ATP9B: variants seen among roughly 807,000 people sequenced by gnomAD.
ATP9B encodes the protein ATPase phospholipid transporting 9B, also known as probable phospholipid-transporting ATPase IIB.
ATP9B carries 110 observed loss-of-function variants against 146.1 expected under a neutral mutation model. That is an observed-to-expected ratio of 0.75 (90% CI 0.65 to 0.88). The LOEUF (loss-of-function observed/expected upper bound fraction) is 0.88, where lower values mean the gene tolerates loss of function less well. ATP9B is among the 40% of genes least tolerant of loss of function. The probability of loss-of-function intolerance (pLI) is 0.00; values close to 1 mark genes in which losing one functional copy is unlikely to be tolerated. For missense variants in ATP9B, 1,499 were observed against 1,496.4 expected (o/e 1.00, Z -0.03); for synonymous variants, 604 against 569.7 (o/e 1.06, Z -0.86).
rs370138340 is a variant in ATP9B at position 79,342,285 on chromosome 18, C to T, written c.2301C>T (p.Gly767=). 57 of 1,612,592 alleles carry T rather than the reference C, an allele frequency of 3.5e-5. 1 individual carries two copies. The Middle Eastern group carries it at 5.0e-4, about 14-fold the overall frequency. Residue 767 remains glycine, a synonymous_variant, in exon 20 of 30, where the codon GGC becomes GGT. Coordinates refer to ENST00000426216, the MANE Select transcript of ATP9B (RefSeq NM_198531.5). ...TTCCCTAGATATGGATGCTAACAGGCGATAAACTCGAGACAGCTACCTGCA... is the reference window on the plus strand; with the variant it reads ...TTCCCTAGATATGGATGCTAACAGGTGATAAACTCGAGACAGCTACCTGCA... ...NAGIKIWMLT[G]DKLETATCIA...
intron 6 of ATP9B, chr18:79,145,364 G>C (rs2094570588): frequency 3.3e-5 from 4 of 120,470 alleles, no homozygotes; most frequent in Admixed American, 9.6e-5. Context: ...CATGTCGGGG[G>C]AGCTGGCGGT....
intron 15 of ATP9B, among the ~76,000 whole-genome samples, chr18:79,324,987 G>A (rs941718926): frequency 1.3e-5 from 2 of 152,228 alleles, no homozygotes; most frequent in East Asian, 1.9e-4. Flanking sequence ...GAGTAAACCA[G>A]TGGGGCTGGA....
chr18:79,193,084 T>C, intron 8 of ATP9B, 99 bp from the exon 9 acceptor site: 6 of 842,758 alleles, frequency 7.1e-6, no homozygotes, highest in Non-Finnish European at 1.1e-5. Flanking sequence ...TTGCTTTTGG[T>C]AAATAATATA....
At position 79,180,983 on chromosome 18, in the gene ATP9B, T is replaced by G. The variant is rs376654348; in HGVS notation, c.873+4076T>G. ...CTAATTTTTGTTTTTTTGTTTTTTT[T>G]TTTTTTAAGTGGAGACGGGGTTTCA... On this transcript the variant is annotated intron_variant, in intron 8 of 29. Coordinates refer to ENST00000426216, the MANE Select transcript of ATP9B (RefSeq NM_198531.5). Among the ~76,000 whole-genome samples, 577 of 151,696 alleles carry G rather than the reference T, an allele frequency of 3.8e-3. 3 individuals carry two copies. The highest frequency in any genetic ancestry group is 0.024 in the South Asian group (115 of 4,762).
At chr18:79,078,729 G>T (rs1162695077) in intron 1 of ATP9B, among the ~76,000 whole-genome samples, 4 of 151,418 alleles carry the variant, frequency 2.6e-5, no homozygotes, top group African/African-American at 9.7e-5. Context: ...TGTTGCATAG[G>T]TATACACATG....
Position 79,071,398 on chromosome 18 carries a change from C to CTTTTTTTT in ATP9B, c.119+1869_119+1870insTTTTTTTT, listed in dbSNP as rs747150962. On this transcript the variant is annotated intron_variant, in intron 1 of 29. Coordinates refer to ENST00000426216, the MANE Select transcript of ATP9B (RefSeq NM_198531.5). Reference sequence around the variant, plus strand: ...TATTTCCCCTTTTTCTATTGTTCTTCCTTTTTTTTTTTTTTGAGACAGGGT... The same window carrying CTTTTTTTT: ...TATTTCCCCTTTTTCTATTGTTCTTCTTTTTTTTCTTTTTTTTTTTTTTGAGACAGGGT... 2.7e-4 allele frequency among the ~76,000 whole-genome samples: 6 copies of CTTTTTTTT among 22,406 alleles called. 1 individual carries two copies. Among genetic ancestry groups the CTTTTTTTT allele is most frequent in the African/African-American group, 3.1e-4 (2 of 6,454 alleles). The allele number at this position is 22,406 out of a possible 152,430, so 14.7% of individuals were successfully genotyped here. A position where few individuals can be genotyped will look rare whatever the true frequency, so the allele number is the denominator to read the frequency against.
chr18:79,311,266 T>G (rs2096650982), intron 15 of ATP9B, among the ~76,000 whole-genome samples: 1 of 152,244 alleles, frequency 6.6e-6, no homozygotes, highest in Non-Finnish European at 1.5e-5. Context: ...TCCTTTTGAC[T>G]TACTTTTAGG....
At chr18:79,192,334 T>C (rs972726447) in intron 8 of ATP9B, among the ~76,000 whole-genome samples, 1 of 151,992 alleles carries the variant, frequency 6.6e-6, no homozygotes, top group African/African-American at 2.4e-5. Flanking sequence ...TGTTAAAGGG[T>C]CATGGGTTGG....
intron 11 of ATP9B, among the ~76,000 whole-genome samples, chr18:79,251,892 T>G (rs937708964): frequency 1.3e-5 from 2 of 152,208 alleles, no homozygotes; most frequent in Non-Finnish European, 2.9e-5. Flanking sequence ...CAGGAGAAAT[T>G]GAGATGGCAG....
At chr18:79,075,038 G>T (rs2072434365) in intron 1 of ATP9B, among the ~76,000 whole-genome samples, 1 of 151,436 alleles carries the variant, frequency 6.6e-6, no homozygotes, top group African/African-American at 2.4e-5. Context: ...TAATGGTGCT[G>T]TTGAGTTCAT....
In ATP9B at chr18:79,307,183, C is replaced by T. The variant is rs11664381; in HGVS notation, c.1722C>T (p.Asp574=). 32,251 of 1,614,194 alleles carry T rather than the reference C, an allele frequency of 0.02. 420 individuals are homozygous for T. The highest frequency in any genetic ancestry group is 0.034 in the Middle Eastern group (205 of 6,062). The change falls in exon 15 of 30, where the codon GAC becomes GAT. Residue 574 remains aspartate, a synonymous_variant. Transcript: ENST00000426216. ...AGGAGACTGAGTTCGCAGAGGCTGA[C>T]CAAGACTTCAGTGATGAGAATCGCA... ...VTEETEFAEA[D]QDFSDENRTY... is the part of the protein sequence containing the mutation.
chr18:79,086,808 G>A (rs2073881747), intron 1 of ATP9B, among the ~76,000 whole-genome samples: 1 of 152,158 alleles, frequency 6.6e-6, no homozygotes, highest in Admixed American at 6.5e-5. Flanking sequence ...ATTCCCATGG[G>A]GGAAATGACA....
intron 9 of ATP9B, among the ~76,000 whole-genome samples, chr18:79,202,935 T>C (rs184104318): frequency 1.3e-5 from 2 of 152,390 alleles, no homozygotes; most frequent in East Asian, 3.9e-4. Context: ...TTATGTTTTT[T>C]AATGCCCTTA....
At chr18:79,084,964 A>AT (rs1324188485) in intron 1 of ATP9B, among the ~76,000 whole-genome samples, 1 of 151,850 alleles carries the variant, frequency 6.6e-6, no homozygotes, top group African/African-American at 2.4e-5. Context: ...CCATTCTTGC[A>AT]TTACTATAAA....
At chr18:79,369,306 G>A (rs902461953) in intron 26 of ATP9B, among the ~76,000 whole-genome samples, 4 of 151,348 alleles carry the variant, frequency 2.6e-5, no homozygotes, top group African/African-American at 4.9e-5. Context: ...AGGCCGAGGC[G>A]GGCGGGTCAC....
At chr18:79,369,707 C>CA (rs1331852179) in intron 26 of ATP9B, among the ~76,000 whole-genome samples, 1 of 152,236 alleles carries the variant, frequency 6.6e-6, no homozygotes, top group African/African-American at 2.4e-5. Context: ...TTTCACGCCA[C>CA]ACGCGCATCA....
chr18:79,076,257 G>C (rs951446295), intron 1 of ATP9B, among the ~76,000 whole-genome samples: 1 of 152,040 alleles, frequency 6.6e-6, no homozygotes, highest in Non-Finnish European at 1.5e-5. Context: ...TGCCCTTTCT[G>C]TTTTCTTATT....
chr18:79,147,906 T>A (rs1257946975), intron 6 of ATP9B, among the ~76,000 whole-genome samples: 1 of 152,078 alleles, frequency 6.6e-6, no homozygotes, highest in Non-Finnish European at 1.5e-5. Flanking sequence ...AATAAGTTAA[T>A]AAAATTGATA....
chr18:79,224,976 G>A (rs536931943), intron 11 of ATP9B, among the ~76,000 whole-genome samples: 11 of 150,852 alleles, frequency 7.3e-5, no homozygotes, highest in Admixed American at 7.2e-4. Context: ...AGTAACACAA[G>A]CACTGCTTCT....
Sources: allele counts gnomAD v4.1 joint callset (sites outside exome capture counted in the v4.1 genomes callset), GRCh38; gene constraint gnomAD v4.1.1; transcripts MANE v1.5; gene names NCBI Gene and HGNC (gene_info 2026-07-23, HGNC 2026-07-21).